Variants in WHAMM observed in about 807,000 individuals in gnomAD.
The protein encoded by WHAMM is WASP homolog-associated protein with actin, membranes and microtubules.
Under a neutral mutation model 76.5 loss-of-function variants are expected in WHAMM, and 67 were observed. The ratio of observed to expected loss-of-function variants is 0.88; its 90% CI spans 0.72 to 1.07. WHAMM has a LOEUF of 1.07. Among genes scored for constraint, WHAMM ranks in the 50% least tolerant of loss-of-function variants. WHAMM has a pLI of 0.00. For missense variants in WHAMM, 1,021 were observed against 1,051.1 expected, an observed-to-expected ratio of 0.97 and a Z score of 0.40; for synonymous variants, 419 against 422.1, an observed-to-expected ratio of 0.99 and a Z score of 0.09.
chr15:82,812,211 A>G (rs1348674783), intron 1 of WHAMM, among the ~76,000 whole-genome samples: 1 of 152,158 alleles, frequency 6.6e-6, no homozygotes, highest in Non-Finnish European at 1.5e-5. Context: ...ACAGCTCTGT[A>G]ATGTTTTATG....
intron 1 of WHAMM, chr15:82,810,569 C>T: frequency 1.0e-6 from 1 of 985,460 alleles, no homozygotes; most frequent in East Asian, 1.1e-4. Flanking sequence ...AGTGTACTTG[C>T]AGCTGGGAGC....
rs2051114520 is a variant in WHAMM, at chr15:82,835,359, C to CG, written c.*1824dup. ...CAGGATGGTCTCGATCTCTTGACCT[C>CG]GTGATCCTCCCACCTTGGCCTCCCA... On this transcript the variant is annotated 3_prime_UTR_variant, in exon 10 of 10. Transcript: ENST00000286760. The CG allele has an allele frequency of 6.6e-6, 1 of 152,446 alleles. No individual in the cohort carries two copies. Among genetic ancestry groups the CG allele is most frequent in the Admixed American group, 6.5e-5 (1 of 15,282 alleles). 9.4% of individuals were successfully genotyped at this position (152,446 alleles called of 1,614,324 possible).
chr15:82,828,479 A>G (rs2050974140), intron 8 of WHAMM, among the ~76,000 whole-genome samples: 1 of 152,220 alleles, frequency 6.6e-6, no homozygotes, highest in Admixed American at 6.5e-5. Flanking sequence ...ATGAACACAG[A>G]GCCAGTGAGG....
chr15:82,815,853 GC>G (rs1224021951), intron 2 of WHAMM, among the ~76,000 whole-genome samples: 5 of 152,176 alleles, frequency 3.3e-5, no homozygotes, highest in Non-Finnish European at 7.3e-5. Context: ...AAGAAAAATT[GC>G]ATATTGGATG....
chr15:82,824,397 G>T (rs2035704070), intron 6 of WHAMM, among the ~76,000 whole-genome samples: 1 of 151,432 alleles, frequency 6.6e-6, no homozygotes, highest in Non-Finnish European at 1.5e-5. Flanking sequence ...GCACGATCTC[G>T]GCTCACTGCA....
chr15:82,830,637 A>C lies in WHAMM; in HGVS notation c.1680A>C (p.Ser560=). The part of the protein sequence containing the change: ...LAQSVRNTSG[S]EPVAPNLPSD... ...AATCTGTCCGAAACACCTCTGGCTC[A>C]GAACCTGTGGCTCCAAACCTGCCAA... The change falls in exon 9 of 10, where the codon TCA becomes TCC. Residue 560 remains serine (S), a synonymous_variant. Coordinates refer to ENST00000286760, the MANE Select transcript of WHAMM (RefSeq NM_001080435.3). 1.2e-6 allele frequency: 2 copies of C among 1,613,918 alleles called. No homozygotes were observed. The highest frequency in any genetic ancestry group is 1.7e-6 in the Non-Finnish European group (2 of 1,179,886).
At position 82,816,865 on chromosome 15, in the gene WHAMM, A is replaced by G. The variant is rs748500081; in HGVS notation, c.934+23A>G. 1.9e-6 allele frequency: 3 copies of G among 1,542,408 alleles called. No individual in the cohort carries two copies. In the South Asian group the frequency reaches 3.6e-5, roughly 19 times the overall value. On this transcript the variant is annotated intron_variant, in intron 3 of 9. Transcript: ENST00000286760. ...CAGGTGATAATTTAAAAAATGCTAT[A>G]TGAAGATACATGTAATTGATTATCA...
rs2151570102 is a variant in WHAMM, at chr15:82,826,733, A to G, written c.1546-18A>G. 1 of 1,534,094 alleles carries G rather than the reference A, an allele frequency of 6.5e-7. No individual in the cohort carries two copies. The highest frequency in any genetic ancestry group is 8.7e-7 in the Non-Finnish European group (1 of 1,142,902). On this transcript the variant is annotated intron_variant, in intron 7 of 9. Coordinates refer to ENST00000286760, the MANE Select transcript of WHAMM (RefSeq NM_001080435.3). ...GTAATGTTGAGCAATTTACAAATAT[A>G]CATTTGTTTAAATATAGAAAAGAGA... is the stretch of plus-strand genomic sequence containing the variant.
At chr15:82,826,710 A>G in intron 7 of WHAMM, 41 bp from the exon 8 acceptor site, 1 of 1,528,898 alleles carries the variant, frequency 6.5e-7, no homozygotes, top group Admixed American at 2.3e-5. Flanking sequence ...CATTTTTTGT[A>G]ATGTTGAGCA....
At chr15:82,815,735 T>C (rs1424934208) in intron 2 of WHAMM, among the ~76,000 whole-genome samples, 1 of 152,216 alleles carries the variant, frequency 6.6e-6, no homozygotes, top group Non-Finnish European at 1.5e-5. Flanking sequence ...TGTTACTGTG[T>C]GTCTCTTTGG....
At position 82,816,835 on chromosome 15, in the gene WHAMM, A is replaced by T. The variant is rs1228887621; in HGVS notation, c.927A>T (p.Ala309=). Residue 309 remains alanine (A), a synonymous_variant, in exon 3 of 10, where the codon GCA becomes GCT. Transcript: ENST00000286760. ...TVNYFKETVK[A]LAGMQKEMEQ... is the part of the protein sequence containing the mutation. ...ATTATTTTAAGGAGACAGTAAAAGC[A>T]TTAGCAGGTGATAATTTAAAAAATG... 9.6e-6 allele frequency: 15 copies of T among 1,555,832 alleles called. No individual in the cohort carries two copies. Among genetic ancestry groups the T allele is most frequent in the African/African-American group, 1.4e-5 (1 of 73,196 alleles).
At position 82,816,753 on chromosome 15, in the gene WHAMM, A is replaced by C; in HGVS notation, c.845A>C (p.Glu282Ala). The change falls in exon 3 of 10, where the codon GAA (glutamate) becomes GCA (alanine). Residue 282 changes from glutamate (E) to alanine (A), a missense_variant. Glu to Ala is a moderately radical substitution (Grantham distance 107). Coordinates refer to ENST00000286760, the MANE Select transcript of WHAMM (RefSeq NM_001080435.3). Reference protein sequence around the residue: ...RRVVALEKEAEEWTRRAEEAV... With the variant: ...RRVVALEKEAAEWTRRAEEAV... ...GTAGTTGCCCTGGAGAAAGAAGCTG[A>C]AGAATGGACCAGACGGGCTGAAGAA... 2 of 1,559,386 alleles carry C rather than the reference A, an allele frequency of 1.3e-6. No individual in the cohort carries two copies. The highest frequency in any genetic ancestry group is 1.7e-6 in the Non-Finnish European group (2 of 1,150,378).
At chr15:82,812,184 T>G (rs570759361) in intron 1 of WHAMM, among the ~76,000 whole-genome samples, 1 of 152,304 alleles carries the variant, frequency 6.6e-6, no homozygotes, top group East Asian at 1.9e-4. Context: ...AGAATCAACA[T>G]GCTGAAGTAC....
At chr15:82,828,513 A>G (rs1480364895) in intron 8 of WHAMM, among the ~76,000 whole-genome samples, 1 of 152,246 alleles carries the variant, frequency 6.6e-6, no homozygotes, top group Non-Finnish European at 1.5e-5. Context: ...GCTGGTCACC[A>G]TCACCAAGAG....
intron 6 of WHAMM, among the ~76,000 whole-genome samples, chr15:82,825,366 A>G (rs1226492031): frequency 1.3e-5 from 2 of 152,070 alleles, no homozygotes; most frequent in East Asian, 1.9e-4. Context: ...TTTTATATAT[A>G]TATATAAAAT....
intron 2 of WHAMM, among the ~76,000 whole-genome samples, chr15:82,813,979 T>C (rs1388441237): frequency 4.6e-5 from 7 of 152,120 alleles, no homozygotes; most frequent in Non-Finnish European, 1.0e-4. Flanking sequence ...GTTTTTGATG[T>C]GATATTTATT....
chr15:82,809,664 C>T lies in WHAMM; in HGVS notation c.-63C>T. The T allele has an allele frequency of 1.6e-6, 2 of 1,278,114 alleles. No individual in the cohort carries two copies. Among genetic ancestry groups the T allele is most frequent in the Non-Finnish European group, 2.0e-6 (2 of 987,588 alleles). 79.2% of individuals were successfully genotyped at this position (1,278,114 alleles called of 1,614,324 possible). A position where few individuals can be genotyped will look rare whatever the true frequency, so the allele number is the denominator to read the frequency against. On this transcript the variant is annotated 5_prime_UTR_variant, in exon 1 of 10. Transcript: ENST00000286760. ...TGATTTGGCTCGGACTGTCCCGTGA[C>T]AGGCGGTGCGAGGAGGCCAGGCCCG...
intron 2 of WHAMM, among the ~76,000 whole-genome samples, chr15:82,815,111 TTATATATATATATATATATATA>T (rs147147568): frequency 2.6e-4 from 13 of 49,608 alleles, no homozygotes; most frequent in South Asian, 2.0e-3. Flanking sequence ...CTCACAGATT[TTATATATATATATATATATATA>T]TATATATATA....
intron 6 of WHAMM, 64 bp from the exon 7 acceptor site, chr15:82,826,340 TCTTTTA>T: frequency 6.5e-7 from 1 of 1,542,576 alleles, no homozygotes; most frequent in Non-Finnish European, 8.9e-7. Context: ...AGTGCTTTTT[TCTTTTA>T]ATCTTTTATG....
Sources: gnomAD v4.1 joint callset for allele counts (sites outside exome capture counted in the v4.1 genomes callset) on GRCh38, gnomAD v4.1.1 for gene constraint, MANE v1.5 for transcripts, NCBI Gene and HGNC (gene_info 2026-07-23, HGNC 2026-07-21) for gene names.